Variants in DLG2 observed in about 807,000 individuals in gnomAD.
DLG2 encodes disks large homolog 2.
A neutral mutation model predicts 132.5 loss-of-function variants in DLG2; 45 were observed. That is an observed-to-expected ratio of 0.34 (90% CI 0.27 to 0.44). The LOEUF (loss-of-function observed/expected upper bound fraction) is 0.44, where lower values mean the gene tolerates loss of function less well. Ranked by LOEUF, DLG2 falls within the 20% of genes least tolerant of loss-of-function variation. The probability of loss-of-function intolerance (pLI) is 1.00; values close to 1 mark genes in which losing one functional copy is unlikely to be tolerated. For synonymous variants in DLG2, 424 were observed against 419.6 expected, an observed-to-expected ratio of 1.01 and a Z score of -0.13; for missense variants, 1,045 against 1,196.9, an observed-to-expected ratio of 0.87 and a Z score of 1.87.
At chr11:84,636,146 A>G (rs905916200) in intron 6 of DLG2, among the ~76,000 whole-genome samples, 1 of 152,188 alleles carries the variant, frequency 6.6e-6, no homozygotes, top group Non-Finnish European at 1.5e-5. Context: ...TCTTTTGCTT[A>G]CAGAATATGA....
chr11:84,956,028 C>T (rs1209818452), intron 6 of DLG2, among the ~76,000 whole-genome samples: 2 of 152,156 alleles, frequency 1.3e-5, no homozygotes, highest in South Asian at 2.1e-4. Flanking sequence ...GAATAAGGGC[C>T]GGCAAGGAAA....
intron 7 of DLG2, among the ~76,000 whole-genome samples, chr11:84,499,674 T>C (rs1458650842): frequency 1.3e-5 from 2 of 152,178 alleles, no homozygotes; most frequent in Non-Finnish European, 2.9e-5. Context: ...GGTTAGCAGA[T>C]CAAAGCAGAT....
rs911576647 is a variant in DLG2, at chr11:84,137,393, G to A, written c.624+26068C>T. The stretch of plus-strand genomic sequence containing the variant: ...CTGAGTTTTCTGTGAATGAGGTTTC[G>A]GCAATGCTGGAGGGCATAATTTTCA... On this transcript the variant is annotated intron_variant, in intron 9 of 27. Transcript: ENST00000376104. Among the ~76,000 whole-genome samples the A allele has an allele frequency of 3.9e-5, 6 of 151,930 alleles. No homozygotes were observed. The South Asian group carries it at 6.2e-4, about 16-fold the overall frequency.
intron 17 of DLG2, among the ~76,000 whole-genome samples, chr11:83,792,960 G>A (rs570670501): frequency 7.2e-5 from 11 of 152,052 alleles, no homozygotes; most frequent in South Asian, 4.2e-4. Flanking sequence ...CATATACCTC[G>A]ACATTTGACT....
intron 6 of DLG2, among the ~76,000 whole-genome samples, chr11:84,840,854 G>T (rs1470639186): frequency 6.6e-6 from 1 of 151,992 alleles, no homozygotes; most frequent in African/African-American, 2.4e-5. Context: ...GTAGGGGGCA[G>T]GGGGAGGGAT....
intron 16 of DLG2, among the ~76,000 whole-genome samples, chr11:83,834,383 A>G (rs2055495916): frequency 6.6e-6 from 1 of 152,210 alleles, no homozygotes; most frequent in Non-Finnish European, 1.5e-5. Context: ...TCCAGCTGTG[A>G]GGAAGTCACA....
intron 17 of DLG2, among the ~76,000 whole-genome samples, chr11:83,826,774 C>T (rs1177535267): frequency 6.6e-6 from 1 of 152,054 alleles, no homozygotes; most frequent in African/African-American, 2.4e-5. Flanking sequence ...AGTGGTTTTG[C>T]TGGAGTTTGG....
intron 6 of DLG2, among the ~76,000 whole-genome samples, chr11:84,903,896 A>G (rs1473576327): frequency 2.0e-5 from 3 of 152,196 alleles, no homozygotes; most frequent in African/African-American, 4.8e-5. Context: ...TATTCTTAAT[A>G]TGTAAAAAAG....
intron 3 of DLG2, among the ~76,000 whole-genome samples, chr11:85,577,651 T>C (rs2078237517): frequency 6.6e-6 from 1 of 152,046 alleles, no homozygotes; most frequent in South Asian, 2.1e-4. Context: ...CATAAGCCAA[T>C]AGATATTTAA....
chr11:84,999,651 C>A (rs954869308), intron 6 of DLG2, among the ~76,000 whole-genome samples: 1 of 152,224 alleles, frequency 6.6e-6, no homozygotes, highest in East Asian at 1.9e-4. Flanking sequence ...TTTTTAAAAG[C>A]TTCAAAGCAG....
At chr11:84,314,503 AT>A (rs896115291) in intron 7 of DLG2, among the ~76,000 whole-genome samples, 8 of 152,126 alleles carry the variant, frequency 5.3e-5, no homozygotes, top group African/African-American at 1.7e-4. Flanking sequence ...GATGTATGCT[AT>A]GGATGCATAT....
At chr11:83,843,479 A>G (rs1439003842) in intron 16 of DLG2, among the ~76,000 whole-genome samples, 5 of 152,188 alleles carry the variant, frequency 3.3e-5, no homozygotes, top group African/African-American at 9.7e-5. Context: ...TTACCCATCC[A>G]TCTATGCTGT....
intron 6 of DLG2, among the ~76,000 whole-genome samples, chr11:84,986,288 G>A (rs1372091994): frequency 1.3e-5 from 2 of 151,962 alleles, no homozygotes; most frequent in Non-Finnish European, 2.9e-5. Context: ...ACAACAAGCA[G>A]CGAGATTGAA....
chr11:85,612,589 G>T (rs962666075), intron 2 of DLG2, among the ~76,000 whole-genome samples: 1 of 152,114 alleles, frequency 6.6e-6, no homozygotes, highest in South Asian at 2.1e-4. Context: ...TAATAGCAAA[G>T]AATAATTGAA....
chr11:84,429,453 C>T lies in DLG2; in HGVS notation c.519+105117G>A, dbSNP rs1012289378. Among the ~76,000 whole-genome samples the T allele has an allele frequency of 3.9e-5, 6 of 152,222 alleles. No homozygotes were observed. The East Asian group carries it at 5.8e-4, about 15-fold the overall frequency. The stretch of plus-strand genomic sequence containing the variant: ...ACTGACCTCTAATCTGGTCTTAATT[C>T]CTATACTTAATACAGCTGAGAGTGT... On this transcript the variant is annotated intron_variant, in intron 7 of 27. Transcript: ENST00000376104.
intron 9 of DLG2, among the ~76,000 whole-genome samples, chr11:84,153,568 T>C (rs1285997786): frequency 6.6e-6 from 1 of 152,214 alleles, no homozygotes; most frequent in African/African-American, 2.4e-5. Flanking sequence ...TATTTTTGTC[T>C]GACTGTGTTG....
chr11:84,338,393 T>A lies in DLG2; in HGVS notation c.520-87102A>T, dbSNP rs567854577. ...ACTTAGCTTAATATTTTATAACTTA[T>A]TTTTTTTTCTGGGACATAAAAAAGA... On this transcript the variant is annotated intron_variant, in intron 7 of 27. Transcript: ENST00000376104. Among the ~76,000 whole-genome samples, 78 of 151,708 alleles carry A rather than the reference T, an allele frequency of 5.1e-4. 1 individual carries two copies. Among genetic ancestry groups the A allele is most frequent in the African/African-American group, 1.7e-3 (72 of 41,336 alleles).
chr11:84,953,331 C>G (rs994552934), intron 6 of DLG2, among the ~76,000 whole-genome samples: 1 of 152,134 alleles, frequency 6.6e-6, no homozygotes, highest in Non-Finnish European at 1.5e-5. Flanking sequence ...GTCTGAAGTT[C>G]CCCGGATGTG....
At chr11:84,182,367 T>TAA (rs35822865) in intron 8 of DLG2, among the ~76,000 whole-genome samples, 1 of 139,866 alleles carries the variant, frequency 7.1e-6, no homozygotes, top group Non-Finnish European at 1.6e-5. Context: ...CCCCAACTCC[T>TAA]AAAAAAAAAA....
Sources: gnomAD v4.1 joint callset for allele counts (sites outside exome capture counted in the v4.1 genomes callset) on GRCh38, gnomAD v4.1.1 for gene constraint, MANE v1.5 for transcripts, NCBI Gene and HGNC (gene_info 2026-07-23, HGNC 2026-07-21) for gene names.